LRRC17: variants seen among roughly 807,000 people sequenced by gnomAD.
The protein encoded by LRRC17 is leucine-rich repeat-containing protein 17.
A neutral mutation model predicts 41.5 loss-of-function variants in LRRC17; 33 were observed. The observed-to-expected ratio is 0.80, with a 90% CI of 0.60 to 1.06. LRRC17 has a LOEUF of 1.06. LRRC17 is among the 50% of genes least tolerant of loss of function. The pLI, the probability that LRRC17 is intolerant of heterozygous loss-of-function variation, is 0.00. For missense variants in LRRC17, 491 were observed against 519.3 expected (o/e 0.95, Z 0.53); for synonymous variants, 192 against 197.0 (o/e 0.97, Z 0.21).
chr7:102,940,934 C>T (rs1402587202), intron 3 of LRRC17, among the ~76,000 whole-genome samples: 1 of 152,130 alleles, frequency 6.6e-6, no homozygotes, highest in African/African-American at 2.4e-5. Context: ...ATTTTGAGTA[C>T]AACTGTTTCC....
intron 3 of LRRC17, chr7:102,942,352 CA>C: frequency 6.4e-7 from 1 of 1,556,618 alleles, no homozygotes; most frequent in Non-Finnish European, 8.7e-7. Flanking sequence ...GGTAAGTATA[CA>C]AATGCAGTGG....
At chr7:102,943,521 C>T (rs555972659) in intron 3 of LRRC17, among the ~76,000 whole-genome samples, 1 of 152,248 alleles carries the variant, frequency 6.6e-6, no homozygotes, top group South Asian at 2.1e-4. Flanking sequence ...GAAATTCTCT[C>T]CACAAAGGTA....
At chr7:102,941,029 T>G (rs1422646802) in intron 3 of LRRC17, among the ~76,000 whole-genome samples, 1 of 152,206 alleles carries the variant, frequency 6.6e-6, no homozygotes, top group African/African-American at 2.4e-5. Context: ...GAATGAACAT[T>G]CTGGAGCCAC....
At chr7:102,942,435 G>C in intron 3 of LRRC17, 2 of 1,156,154 alleles carry the variant, frequency 1.7e-6, no homozygotes, top group Non-Finnish European at 2.4e-6. Flanking sequence ...AAAAGAGAAA[G>C]AAGATACCCT....
intron 3 of LRRC17, among the ~76,000 whole-genome samples, chr7:102,940,671 C>G (rs1821248065): frequency 6.6e-6 from 1 of 152,170 alleles, no homozygotes; most frequent in Admixed American, 6.5e-5. Flanking sequence ...ATATCTAGTT[C>G]TAGATCAAGA....
intron 1 of LRRC17, among the ~76,000 whole-genome samples, chr7:102,923,664 T>C (rs2129471323): frequency 6.6e-6 from 1 of 151,100 alleles, no homozygotes; most frequent in African/African-American, 2.4e-5. Flanking sequence ...CTACTAAAAA[T>C]ACAAAAAAAC....
At chr7:102,917,098 GCT>G (rs1816047340) in intron 1 of LRRC17, among the ~76,000 whole-genome samples, 1 of 152,076 alleles carries the variant, frequency 6.6e-6, no homozygotes, top group African/African-American at 2.4e-5. Flanking sequence ...TGAGTGTTGG[GCT>G]CTCTGGTTTC....
Position 102,924,919 on chromosome 7 carries a change from G to A in LRRC17, c.-140-8855G>A, listed in dbSNP as rs146798579. Reference sequence around the variant, plus strand: ...GCTGGGATTACAGGCGTGAGCCACCGTGCCCGGCCTGTGTAAGCTTTTCTA... The same window carrying A: ...GCTGGGATTACAGGCGTGAGCCACCATGCCCGGCCTGTGTAAGCTTTTCTA... On this transcript the variant is annotated intron_variant, in intron 1 of 3. Transcript: ENST00000339431. Among the ~76,000 whole-genome samples the A allele has an allele frequency of 0.013, 1,948 of 150,630 alleles. 92 individuals carry two copies. In the East Asian group the frequency reaches 0.16, roughly 13 times the overall value.
At chr7:102,919,517 CAATT>C (rs1272057706) in intron 1 of LRRC17, among the ~76,000 whole-genome samples, 5 of 152,004 alleles carry the variant, frequency 3.3e-5, no homozygotes, top group Non-Finnish European at 7.4e-5. Context: ...TGAAGGAACA[CAATT>C]AAGCTTGGAA....
At chr7:102,943,345 A>G (rs1324835213) in intron 3 of LRRC17, among the ~76,000 whole-genome samples, 2 of 152,124 alleles carry the variant, frequency 1.3e-5, no homozygotes, top group South Asian at 4.1e-4. Flanking sequence ...CCAAAAAAAA[A>G]AAAAGCCCAA....
intron 2 of LRRC17, among the ~76,000 whole-genome samples, chr7:102,938,343 T>A (rs1485105705): frequency 2.0e-5 from 3 of 152,206 alleles, no homozygotes; most frequent in African/African-American, 7.2e-5. Flanking sequence ...TGAACAATAG[T>A]TAAGAATTTT....
At chr7:102,928,758 T>G (rs1014304819) in intron 1 of LRRC17, among the ~76,000 whole-genome samples, 1 of 152,126 alleles carries the variant, frequency 6.6e-6, no homozygotes, top group African/African-American at 2.4e-5. Context: ...ACAGAAAGAG[T>G]AAATCCATTT....
intron 1 of LRRC17, among the ~76,000 whole-genome samples, chr7:102,916,117 G>C (rs2129469567): frequency 6.6e-6 from 1 of 152,024 alleles, no homozygotes; most frequent in African/African-American, 2.4e-5. Context: ...CCAAGTAGCT[G>C]GGATTACAGG....
Position 102,920,109 on chromosome 7 carries a change from C to T in LRRC17, c.-141+6964C>T, listed in dbSNP as rs114165867. On this transcript the variant is annotated intron_variant, in intron 1 of 3. Coordinates refer to ENST00000339431, the MANE Select transcript of LRRC17 (RefSeq NM_001031692.3). ...GGGACAATTGAAGTGTATTAGATCA[C>T]TGTGTACCACAGGAGTAGTCAAAAG... Among the ~76,000 whole-genome samples the T allele has an allele frequency of 3.7e-3, 568 of 152,302 alleles. 5 individuals carry two copies. The highest frequency in any genetic ancestry group is 0.013 in the African/African-American group (561 of 41,568).
intron 2 of LRRC17, among the ~76,000 whole-genome samples, chr7:102,935,134 G>C (rs1269986250): frequency 6.6e-6 from 1 of 151,278 alleles, no homozygotes; most frequent in Non-Finnish European, 1.5e-5. Context: ...AGGACTGTGA[G>C]AGCACTCTGA....
At chr7:102,926,404 T>A in intron 1 of LRRC17, 1 of 1,558,540 alleles carries the variant, frequency 6.4e-7, no homozygotes. Context: ...AAGAGGCTTA[T>A]CAAATTATAG....
At chr7:102,937,593 T>C (rs1363757703) in intron 2 of LRRC17, among the ~76,000 whole-genome samples, 7 of 152,080 alleles carry the variant, frequency 4.6e-5, no homozygotes, top group Non-Finnish European at 7.4e-5. Context: ...ATAAATCTAG[T>C]GATTCATTTC....
rs566305585 is a variant in LRRC17, at chr7:102,938,800, G to A, written c.773-630G>A. Among the ~76,000 whole-genome samples, 8 of 152,310 alleles carry A rather than the reference G, an allele frequency of 5.3e-5. No individual in the cohort carries two copies. In the East Asian group the frequency reaches 1.5e-3, roughly 29 times the overall value. ...TTTTCTATTTATCAACACAGCAAAT[G>A]AGATTTTCCTGTGTTTTTCTAAGCC... On this transcript the variant is annotated intron_variant, in intron 2 of 3. Transcript: ENST00000339431.
chr7:102,919,361 A>G (rs1252593444), intron 1 of LRRC17, among the ~76,000 whole-genome samples: 1 of 152,258 alleles, frequency 6.6e-6, no homozygotes, highest in Non-Finnish European at 1.5e-5. Context: ...GGACAGGAAT[A>G]AAATCGGATC....
Sources: allele counts gnomAD v4.1 joint callset (sites outside exome capture counted in the v4.1 genomes callset), GRCh38; gene constraint gnomAD v4.1.1; transcripts MANE v1.5; gene names NCBI Gene and HGNC (gene_info 2026-07-23, HGNC 2026-07-21).